GYG2: variants seen among roughly 807,000 people sequenced by gnomAD.
The protein encoded by GYG2 is glycogenin 2.
GYG2 carries 29 observed loss-of-function variants against 29.4 expected under a neutral mutation model. That is an observed-to-expected ratio of 0.99 (90% CI 0.74 to 1.35). GYG2 has a LOEUF of 1.35. Among genes scored for constraint, GYG2 ranks in the 40% most tolerant of loss-of-function variants. The pLI is 0.00. For missense variants in GYG2, 370 were observed against 385.7 expected (o/e 0.96, Z 0.34); for synonymous variants, 167 against 172.3 (o/e 0.97, Z 0.24).
intron 8 of GYG2, among the ~76,000 whole-genome samples, chrX:2,869,413 CG>C (rs1329617202): frequency 9.0e-6 from 1 of 111,152 alleles, no homozygotes; most frequent in Non-Finnish European, 1.9e-5. Flanking sequence ...TTCATTAATT[CG>C]TACTCCCGGT....
intron 4 of GYG2, 84 bp downstream of exon 4, chrX:2,854,238 G>A (rs1413715343): frequency 1.5e-6 from 1 of 650,661 alleles, no homozygotes; most frequent in Admixed American, 3.1e-5. Flanking sequence ...TTTTTTGTGT[G>A]TGTGTGACAC....
chrX:2,881,198 C>A lies in GYG2; in HGVS notation c.1398C>A (p.Asp466Glu). The change falls in exon 11 of 11, where the codon GAC becomes GAA. Residue 466 changes from aspartate to glutamate, a missense_variant. Transcript: ENST00000398806. ...DAFARIQEKL[D>E]RFLQ ...TTGCTCGCATCCAGGAGAAGCTGGA[C>A]CGGTTCCTGCAGTAATCCGGCAGCT... 1 of 1,188,952 alleles carries A rather than the reference C, an allele frequency of 8.4e-7. No homozygotes were observed. Among genetic ancestry groups the A allele is most frequent in the South Asian group, 1.9e-5 (1 of 53,014 alleles).
intron 10 of GYG2, 178 bp downstream of exon 10, chrX:2,877,485 T>C: frequency 9.4e-7 from 1 of 1,060,904 alleles, no homozygotes; most frequent in Non-Finnish European, 1.2e-6. Context: ...GGCATTTGCC[T>C]GGGGTGATCG....
intron 3 of GYG2, among the ~76,000 whole-genome samples, chrX:2,847,677 C>T (rs765545656): frequency 3.2e-4 from 34 of 106,581 alleles, no homozygotes; most frequent in Non-Finnish European, 5.2e-4. Context: ...TGTGCTCCAG[C>T]CTGGGTGACA....
rs767494264 is a variant in GYG2, at chrX:2,853,187, ATTTTTTGTTTGTTTGTTTTTGT to A, written c.150-785_150-764del. Among the ~76,000 whole-genome samples the A allele has an allele frequency of 2.3e-4, 25 of 109,534 alleles. No individual in the cohort carries two copies. The South Asian group carries it at 5.2e-3, about 23-fold the overall frequency. On this transcript the variant is annotated intron_variant, in intron 3 of 10. Coordinates refer to ENST00000398806, the MANE Select transcript of GYG2 (RefSeq NM_001079855.2). ...CCACCAGCACGCCTGGCTAATTTAA[ATTTTTTGTTTGTTTGTTTTTGT>A]TTTTTTGCTTGTTTGTTTTGAGATA...
intron 2 of GYG2, among the ~76,000 whole-genome samples, chrX:2,831,632 G>A (rs1415573136): frequency 2.7e-5 from 3 of 111,983 alleles, no homozygotes; most frequent in East Asian, 5.6e-4. Context: ...GCCTGCTAGG[G>A]TCTGTATAAT....
Position 2,857,169 on chromosome X carries a change from T to TATCTATCTATCTA in GYG2, c.614+545_614+546insATCTATCTATCTA, listed in dbSNP as rs1346547770. On this transcript the variant is annotated intron_variant, in intron 6 of 10. Coordinates refer to ENST00000398806, the MANE Select transcript of GYG2 (RefSeq NM_001079855.2). Reference sequence around the variant, plus strand: ...ATTTATCTATCTATCTAGACCTAGATGTCTATCTATCTAGACCTAGATATC... The same window carrying TATCTATCTATCTA: ...ATTTATCTATCTATCTAGACCTAGATATCTATCTATCTAGTCTATCTATCTAGACCTAGATATC... Among the ~76,000 whole-genome samples the TATCTATCTATCTA allele has an allele frequency of 2.2e-3, 195 of 87,738 alleles. 5 individuals carry two copies. Among genetic ancestry groups the TATCTATCTATCTA allele is most frequent in the African/African-American group, 6.5e-3 (163 of 24,946 alleles). 76.2% of individuals were successfully genotyped at this position (87,738 alleles called of 115,157 possible).
chrX:2,840,676 G>A (rs772974023), intron 2 of GYG2, among the ~76,000 whole-genome samples: 2 of 111,315 alleles, frequency 1.8e-5, no homozygotes, highest in South Asian at 7.6e-4. Context: ...TATATGATAG[G>A]TAGATGGTAG....
At chrX:2,834,660 C>A (rs1484009282) in intron 2 of GYG2, among the ~76,000 whole-genome samples, 1 of 112,036 alleles carries the variant, frequency 8.9e-6, no homozygotes, top group Admixed American at 9.4e-5. Context: ...CCACAGTGAA[C>A]GTGTAATGCA....
Position 2,855,043 on chromosome X carries a change from C to T in GYG2, c.375C>T (p.Ala125=). Reference sequence around the variant, plus strand: ...TTGACAGGGGAGAGTTTTCTGCGGCCCCGGACCCCGGATGGCCGGATTGCT... The same window carrying T: ...TTGACAGGGGAGAGTTTTCTGCGGCTCCGGACCCCGGATGGCCGGATTGCT... ...ELFDRGEFSA[A]PDPGWPDCFN... The change falls in exon 5 of 11, where the codon GCC becomes GCT. Residue 125 remains alanine (A), a synonymous_variant. Transcript: ENST00000398806. The T allele has an allele frequency of 1.7e-6, 2 of 1,211,029 alleles. No homozygotes were observed. The highest frequency in any genetic ancestry group is 1.8e-5 in the South Asian group (1 of 56,954).
intron 6 of GYG2, among the ~76,000 whole-genome samples, chrX:2,859,160 A>T (rs760396854): frequency 2.0e-4 from 22 of 111,944 alleles, no homozygotes; most frequent in Non-Finnish European, 3.9e-4. Flanking sequence ...GCAGTGGAGT[A>T]GTATTATTGA....
intron 6 of GYG2, among the ~76,000 whole-genome samples, chrX:2,857,691 C>G (rs189615998): frequency 1.8e-5 from 2 of 110,716 alleles, no homozygotes; most frequent in East Asian, 5.7e-4. Flanking sequence ...TATACACACA[C>G]AGAAACACAC....
intron 2 of GYG2, among the ~76,000 whole-genome samples, chrX:2,839,792 AATT>A (rs1437421773): frequency 5.4e-5 from 6 of 112,090 alleles, no homozygotes; most frequent in African/African-American, 1.6e-4. Flanking sequence ...GGAAATATGA[AATT>A]ATTCCATTTT....
chrX:2,881,527 G>T lies in GYG2; in HGVS notation c.*314G>T. 4.9e-6 allele frequency: 1 copy of T among 204,372 alleles called. No homozygotes were observed. Among genetic ancestry groups the T allele is most frequent in the Non-Finnish European group, 8.8e-6 (1 of 113,154 alleles). 16.8% of individuals were successfully genotyped at this position (204,372 alleles called of 1,213,427 possible). A position where few individuals can be genotyped will look rare whatever the true frequency, so the allele number is the denominator to read the frequency against. ...TCGATGGTGGTCTCCGCTCTTGCCC[G>T]AAGGACCTCTGAAGTACGCTGGAGC... On this transcript the variant is annotated 3_prime_UTR_variant, in exon 11 of 11. Transcript: ENST00000398806.
chrX:2,863,103 C>G (rs941564428), intron 8 of GYG2, among the ~76,000 whole-genome samples: 5 of 105,652 alleles, frequency 4.7e-5, no homozygotes, highest in African/African-American at 1.7e-4. Context: ...GAGGCGGAGT[C>G]TCTCTCTGTC....
intron 6 of GYG2, among the ~76,000 whole-genome samples, chrX:2,857,779 G>A (rs2088056574): frequency 9.0e-6 from 1 of 111,038 alleles, no homozygotes; most frequent in African/African-American, 3.3e-5. Flanking sequence ...TCCCCAAAGT[G>A]TGGCCCAAGG....
chrX:2,869,030 A>AG (rs397896718), intron 8 of GYG2, among the ~76,000 whole-genome samples: 23 of 108,318 alleles, frequency 2.1e-4, no homozygotes, highest in Non-Finnish European at 3.1e-4. Flanking sequence ...AAAAAAAAAA[A>AG]GAGGGATGCT....
At chrX:2,879,632 C>A (rs1192153082) in intron 10 of GYG2, among the ~76,000 whole-genome samples, 1 of 111,787 alleles carries the variant, frequency 8.9e-6, no homozygotes, top group East Asian at 2.8e-4. Flanking sequence ...ATAATAGATA[C>A]ATAGATATAG....
At chrX:2,868,409 A>G (rs1214687227) in intron 8 of GYG2, among the ~76,000 whole-genome samples, 1 of 99,356 alleles carries the variant, frequency 1.0e-5, no homozygotes, top group Non-Finnish European at 2.0e-5. Context: ...GTGAGCTGAG[A>G]TCGTGCCAGT....
Sources: gnomAD v4.1 joint callset for allele counts (sites outside exome capture counted in the v4.1 genomes callset) on GRCh38, gnomAD v4.1.1 for gene constraint, MANE v1.5 for transcripts, NCBI Gene and HGNC (gene_info 2026-07-23, HGNC 2026-07-21) for gene names.